Variants in WNT3 observed in about 807,000 individuals in gnomAD.
WNT3 encodes Wnt family member 3, also known as proto-oncogene Wnt-3.
In WNT3, 7 loss-of-function variants were observed where a neutral mutation model predicts 34.2. The ratio of observed to expected loss-of-function variants is 0.20; its 90% confidence interval spans 0.12 to 0.38. WNT3 has a LOEUF of 0.38. WNT3 is among the 10% of genes least tolerant of loss of function. The probability of loss-of-function intolerance (pLI) is 1.00; values close to 1 mark genes in which losing one functional copy is unlikely to be tolerated. For missense variants in WNT3, 267 were observed against 499.8 expected (o/e 0.53, Z 4.44); for synonymous variants, 212 against 211.5 (o/e 1.00, Z -0.02).
chr17:46,801,343 G>C (rs2146443342), intron 1 of WNT3, among the ~76,000 whole-genome samples: 1 of 152,320 alleles, frequency 6.6e-6, no homozygotes, highest in Non-Finnish European at 1.5e-5. Flanking sequence ...AAAGTGGCCG[G>C]GCACGGTGGC....
chr17:46,790,020 T>C (rs1444423817), intron 1 of WNT3, among the ~76,000 whole-genome samples: 2 of 151,834 alleles, frequency 1.3e-5, no homozygotes, highest in African/African-American at 4.8e-5. Context: ...CTTCCCCCAC[T>C]CTATTTAGGG....
At chr17:46,773,619 T>TGCCGGGCG in intron 2 of WNT3, 49 bp downstream of exon 2, 1 of 549,848 alleles carries the variant, frequency 1.8e-6, no homozygotes, top group Non-Finnish European at 3.2e-6. Context: ...ACAGTCCTGA[T>TGCCGGGCG]CCCTCCCCCC....
rs1349954041 is a variant in WNT3, at chr17:46,818,556, G to A, written c.42C>T (p.Leu14=). 3 of 1,609,002 alleles carry A rather than the reference G, an allele frequency of 1.9e-6. No individual in the cohort carries two copies. Among genetic ancestry groups the A allele is most frequent in the African/African-American group, 1.3e-5 (1 of 74,886 alleles). Residue 14 remains leucine (L), a synonymous_variant, in exon 1 of 5, where the codon CTC becomes CTT. Transcript: ENST00000225512. The part of the protein sequence containing the change: ...HLLGLLLGLL[L]GGTRVLAGYP... ...AGCCAGCGAGGACCCTGGTGCCACC[G>A]AGCAGGAGGCCGAGGAGCAGCCCGA... is the stretch of plus-strand genomic sequence containing the variant.
intron 1 of WNT3, among the ~76,000 whole-genome samples, chr17:46,813,262 T>A (rs1372607457): frequency 6.6e-6 from 1 of 151,422 alleles, no homozygotes; most frequent in Non-Finnish European, 1.5e-5. Context: ...GACCCCTCCA[T>A]GTGGTTAAGG....
intron 1 of WNT3, among the ~76,000 whole-genome samples, chr17:46,817,997 G>C (rs1280679330): frequency 6.6e-6 from 1 of 152,058 alleles, no homozygotes; most frequent in Non-Finnish European, 1.5e-5. Context: ...CCCCTGCCCC[G>C]GGAGGAGCCC....
intron 1 of WNT3, among the ~76,000 whole-genome samples, chr17:46,784,240 GA>G (rs2059483836): frequency 1.3e-5 from 2 of 152,324 alleles, no homozygotes; most frequent in East Asian, 1.9e-4. Context: ...GAGCCAGGAT[GA>G]CCAGGAAGAT....
intron 1 of WNT3, among the ~76,000 whole-genome samples, chr17:46,799,313 T>A (rs2084094009): frequency 6.6e-6 from 1 of 152,190 alleles, no homozygotes; most frequent in Non-Finnish European, 1.5e-5. Flanking sequence ...CTTTTCTGTT[T>A]TGGAAGGAAT....
chr17:46,773,039 C>T (rs1465357329), intron 2 of WNT3, among the ~76,000 whole-genome samples: 1 of 152,184 alleles, frequency 6.6e-6, no homozygotes, highest in Non-Finnish European at 1.5e-5. Flanking sequence ...CTTAGCCTCC[C>T]TCCCAGGGCC....
At chr17:46,789,789 C>T (rs899856496) in intron 1 of WNT3, among the ~76,000 whole-genome samples, 1 of 152,212 alleles carries the variant, frequency 6.6e-6, no homozygotes, top group African/African-American at 2.4e-5. Context: ...TGGCCCTGGC[C>T]CTAAAGCCAG....
chr17:46,776,319 C>T (rs1052223970), intron 1 of WNT3, among the ~76,000 whole-genome samples: 10 of 152,340 alleles, frequency 6.6e-5, no homozygotes, highest in Middle Eastern at 6.8e-3. Flanking sequence ...GGGCACACGG[C>T]GCACACAGCA....
rs59301506 is a variant in WNT3 at position 46,798,868 on chromosome 17, G to T, written c.80+19650C>A. ...ATCGAGACCATCCTGGCTAACATGG[G>T]GAAACCCCATCTCTACTAAAAATAC... On this transcript the variant is annotated intron_variant, in intron 1 of 4. Transcript: ENST00000225512. Among the ~76,000 whole-genome samples the T allele has an allele frequency of 0.017, 2,641 of 151,970 alleles. 200 individuals are homozygous for T. The East Asian group carries it at 0.19, about 11-fold the overall frequency.
In WNT3 at chr17:46,771,491, C is replaced by G. The variant is rs1342261721; in HGVS notation, c.323-1443G>C. Among the ~76,000 whole-genome samples the G allele has an allele frequency of 2.7e-5, 4 of 149,756 alleles. No individual in the cohort carries two copies. The East Asian group carries it at 5.9e-4, about 22-fold the overall frequency. ...CGCGCTGGGTTCCCAGCCCCGGGAA[C>G]GCGGGGGCGGCGGGGGCGGGGCGGG... On this transcript the variant is annotated intron_variant, in intron 2 of 4. Transcript: ENST00000225512.
In WNT3 at chr17:46,771,829, T is replaced by TG. The variant is rs1250088969; in HGVS notation, c.323-1782dup. Among the ~76,000 whole-genome samples the TG allele has an allele frequency of 5.7e-5, 8 of 139,554 alleles. No individual in the cohort carries two copies. In the South Asian group the frequency reaches 7.0e-4, roughly 12 times the overall value. 91.6% of individuals were successfully genotyped at this position (139,554 alleles called of 152,430 possible). On this transcript the variant is annotated intron_variant, in intron 2 of 4. Coordinates refer to ENST00000225512, the MANE Select transcript of WNT3 (RefSeq NM_030753.5). ...TGTGAATGGCGCGGCGGCCGCGCGGTGGGGGGGCGGTGCTCGGGCGCTTTT... is the reference window on the plus strand; with the variant it reads ...TGTGAATGGCGCGGCGGCCGCGCGGTGGGGGGGGCGGTGCTCGGGCGCTTTT...
intron 3 of WNT3, among the ~76,000 whole-genome samples, chr17:46,769,494 G>A (rs1598754358): frequency 6.6e-6 from 1 of 152,156 alleles, no homozygotes; most frequent in African/African-American, 2.4e-5. Flanking sequence ...CCTACACCGC[G>A]TGCCAAGGTG....
chr17:46,776,451 C>T (rs1438389119), intron 1 of WNT3, among the ~76,000 whole-genome samples: 9 of 152,214 alleles, frequency 5.9e-5, no homozygotes, highest in Admixed American at 3.9e-4. Context: ...GTAATCCTCA[C>T]GGCAGGTCTG....
At chr17:46,774,155 TGGGGGCCCTTGG>T (rs574140762) in intron 1 of WNT3, among the ~76,000 whole-genome samples, 2 of 152,290 alleles carry the variant, frequency 1.3e-5, no homozygotes, top group East Asian at 3.9e-4. Context: ...AAGCCGCTTG[TGGGGGCCCTTGG>T]GGGCAATGCA....
At chr17:46,789,572 A>C (rs954561990) in intron 1 of WNT3, among the ~76,000 whole-genome samples, 29 of 141,040 alleles carry the variant, frequency 2.1e-4, no homozygotes, top group African/African-American at 7.8e-4. Flanking sequence ...AATCTGATCT[A>C]ACCAAGCTTT....
chr17:46,817,235 A>G (rs143576792), intron 1 of WNT3, among the ~76,000 whole-genome samples: 336 of 151,944 alleles, frequency 2.2e-3, no homozygotes, highest in African/African-American at 7.8e-3. Flanking sequence ...CCTACCCTGG[A>G]CTCTGGGTTG....
chr17:46,783,423 C>T (rs1325399908), intron 1 of WNT3, among the ~76,000 whole-genome samples: 2 of 152,240 alleles, frequency 1.3e-5, no homozygotes, highest in African/African-American at 4.8e-5. Context: ...TGATGACTCT[C>T]AGCCTGGCAG....
Sources: gnomAD v4.1 joint callset for allele counts (sites outside exome capture counted in the v4.1 genomes callset) on GRCh38, gnomAD v4.1.1 for gene constraint, MANE v1.5 for transcripts, NCBI Gene and HGNC (gene_info 2026-07-23, HGNC 2026-07-21) for gene names.